RNF157: variants seen among roughly 807,000 people sequenced by gnomAD.
RNF157 encodes E3 ubiquitin ligase RNF157.
RNF157 carries 55 observed loss-of-function variants against 88.3 expected under a neutral mutation model. That is an observed-to-expected ratio of 0.62 (90% confidence interval 0.50 to 0.78). The LOEUF (loss-of-function observed/expected upper bound fraction) is 0.78. Ranked by LOEUF, RNF157 falls within the 30% of genes least tolerant of loss-of-function variation. RNF157 has a pLI of 0.00. For missense variants in RNF157, 788 were observed against 860.8 expected (o/e 0.92, Z 1.06); for synonymous variants, 334 against 341.2 (o/e 0.98, Z 0.23).
chr17:76,222,480 C>T (rs6501864), intron 1 of RNF157, among the ~76,000 whole-genome samples: 21,505 of 151,984 alleles, frequency 0.14, 2,278 homozygotes, highest in African/African-American at 0.28. Flanking sequence ...TAAAAAATCA[C>T]ATGGGGAGGA....
chr17:76,229,759 G>C (rs375630195), intron 1 of RNF157, among the ~76,000 whole-genome samples: 21 of 152,238 alleles, frequency 1.4e-4, no homozygotes, highest in Admixed American at 1.0e-3. Flanking sequence ...GCACACTAAG[G>C]GTACGTATGG....
At chr17:76,239,920 C>T (rs1350161525) in intron 1 of RNF157, among the ~76,000 whole-genome samples, 1 of 152,130 alleles carries the variant, frequency 6.6e-6, no homozygotes, top group African/African-American at 2.4e-5. Context: ...CGTGGAGGGG[C>T]TCGGTGCCCT....
chr17:76,225,541 T>C (rs1434830679), intron 1 of RNF157, among the ~76,000 whole-genome samples: 1 of 152,198 alleles, frequency 6.6e-6, no homozygotes, highest in African/African-American at 2.4e-5. Flanking sequence ...AATGCACATA[T>C]TGTCTGCATA....
At chr17:76,226,853 G>A (rs2070097405) in intron 1 of RNF157, 1 of 1,408,394 alleles carries the variant, frequency 7.1e-7, no homozygotes, top group Admixed American at 2.2e-5. Context: ...ATTCGAAGGT[G>A]TCTTTGTCGG....
chr17:76,210,454 G>A (rs1375920225), intron 2 of RNF157, among the ~76,000 whole-genome samples: 1 of 151,204 alleles, frequency 6.6e-6, no homozygotes, highest in Admixed American at 6.6e-5. Flanking sequence ...GCCGGGTGTA[G>A]TGGCGGGTGC....
At chr17:76,173,274 A>T (rs985487359) in intron 3 of RNF157, among the ~76,000 whole-genome samples, 1 of 152,026 alleles carries the variant, frequency 6.6e-6, no homozygotes, top group Non-Finnish European at 1.5e-5. Context: ...TGACAGAGCG[A>T]GACTCCGTCT....
At chr17:76,151,321 CCT>C (rs1325260668) in intron 18 of RNF157, among the ~76,000 whole-genome samples, 2 of 152,236 alleles carry the variant, frequency 1.3e-5, no homozygotes, top group East Asian at 3.8e-4. Flanking sequence ...TCCAGCTTCC[CCT>C]GCCACAAGCT....
At chr17:76,183,938 C>T (rs2144917830) in intron 2 of RNF157, among the ~76,000 whole-genome samples, 1 of 152,016 alleles carries the variant, frequency 6.6e-6, no homozygotes, top group Non-Finnish European at 1.5e-5. Flanking sequence ...ACCTGTAATC[C>T]CAGCACTTTG....
Position 76,167,638 on chromosome 17 carries a change from C to T in RNF157, c.443+13G>A. ...CTGGGAAGGAAGTGGCTCTCCTGGT[C>T]TCCTGATCTTACCTGGCAATACCAT... On this transcript the variant is annotated intron_variant, in intron 4 of 18. Transcript: ENST00000269391. The T allele has an allele frequency of 6.2e-7, 1 of 1,613,882 alleles. No homozygotes were observed. Among genetic ancestry groups the T allele is most frequent in the East Asian group, 2.2e-5 (1 of 44,870 alleles).
intron 8 of RNF157, 24 bp downstream of exon 8, chr17:76,164,724 A>C: frequency 1.3e-6 from 2 of 1,499,874 alleles, no homozygotes; most frequent in Non-Finnish European, 1.9e-6. Flanking sequence ...TAATACTAAC[A>C]GTCTGTGGTC....
chr17:76,185,475 C>CTTTTTTTTTTTTTTTTTTTTT (rs71161271), intron 2 of RNF157, among the ~76,000 whole-genome samples: 7 of 141,902 alleles, frequency 4.9e-5, no homozygotes, highest in African/African-American at 1.6e-4. Context: ...TTAGTCCTTT[C>CTTTTTTTTTTTTTTTTTTTTT]TTTTTTTTTT....
Position 76,148,510 on chromosome 17 carries a change from G to A in RNF157, c.1922-3157C>T, listed in dbSNP as rs1284904752. Among the ~76,000 whole-genome samples the A allele has an allele frequency of 4.6e-5, 7 of 150,798 alleles. No homozygotes were observed. The East Asian group carries it at 1.2e-3, about 25-fold the overall frequency. On this transcript the variant is annotated intron_variant, in intron 18 of 18. Transcript: ENST00000269391. The stretch of plus-strand genomic sequence containing the variant: ...TCTCGATCTCCTGATCTTGTGATCC[G>A]CCCATCTCGGCCTCCCAAAGTGCTG...
chr17:76,167,336 T>A (rs1294139577), intron 4 of RNF157, among the ~76,000 whole-genome samples: 6 of 152,210 alleles, frequency 3.9e-5, no homozygotes, highest in Admixed American at 3.9e-4. Flanking sequence ...CTTACTAGAT[T>A]TTTAACAGCA....
chr17:76,206,244 A>T (rs2069680487), intron 2 of RNF157, among the ~76,000 whole-genome samples: 1 of 152,088 alleles, frequency 6.6e-6, no homozygotes, highest in Non-Finnish European at 1.5e-5. Context: ...AGGAAAAAAA[A>T]GGCCAGGAAG....
intron 3 of RNF157, among the ~76,000 whole-genome samples, chr17:76,171,093 T>C (rs899316146): frequency 7.2e-5 from 11 of 151,908 alleles, no homozygotes; most frequent in Non-Finnish European, 1.6e-4. Context: ...GGGGTTTCAC[T>C]GTGTTAGCCA....
intron 1 of RNF157, among the ~76,000 whole-genome samples, chr17:76,214,231 C>T (rs1005074537): frequency 2.0e-5 from 3 of 152,152 alleles, no homozygotes; most frequent in Non-Finnish European, 4.4e-5. Context: ...TTGGAGGACA[C>T]CCAGCTGGTG....
intron 18 of RNF157, among the ~76,000 whole-genome samples, chr17:76,145,839 C>T (rs999607319): frequency 6.6e-6 from 1 of 152,116 alleles, no homozygotes; most frequent in Non-Finnish European, 1.5e-5. Flanking sequence ...ACTGGCCACC[C>T]AGCAGGGTTC....
At chr17:76,175,531 C>T (rs2069089537) in intron 2 of RNF157, among the ~76,000 whole-genome samples, 1 of 152,152 alleles carries the variant, frequency 6.6e-6, no homozygotes, top group Non-Finnish European at 1.5e-5. Context: ...TGGCCTGTTT[C>T]TCCTCCCCCA....
intron 1 of RNF157, 91 bp from the exon 2 acceptor site, chr17:76,212,573 C>G: frequency 1.1e-6 from 1 of 870,186 alleles, no homozygotes; most frequent in East Asian, 2.6e-5. Context: ...AAAATGTTAA[C>G]CTTTTGGGCT....
Sources: allele counts gnomAD v4.1 joint callset (sites outside exome capture counted in the v4.1 genomes callset), GRCh38; gene constraint gnomAD v4.1.1; transcripts MANE v1.5; gene names NCBI Gene and HGNC (gene_info 2026-07-23, HGNC 2026-07-21).